The following CHRM3 variants were observed in gnomAD, a reference collection of about 807,000 sequenced individuals.
CHRM3 encodes the protein cholinergic receptor muscarinic 3.
A neutral mutation model predicts 41.8 loss-of-function variants in CHRM3; 11 were observed. The observed-to-expected ratio is 0.26, with a 90% CI of 0.17 to 0.44. The LOEUF (loss-of-function observed/expected upper bound fraction) is 0.44, where lower values mean the gene tolerates loss of function less well. CHRM3 is among the 20% of genes least tolerant of loss of function. The pLI, the probability that CHRM3 is intolerant of heterozygous loss-of-function variation, is 1.00. For missense variants in CHRM3, 571 were observed against 745.4 expected, an observed-to-expected ratio of 0.77 and a Z score of 2.72; for synonymous variants, 297 against 301.4, an observed-to-expected ratio of 0.99 and a Z score of 0.15.
In CHRM3 at chr1:239,910,373, G is replaced by T. The variant is rs1680296836; in HGVS notation, c.*1149G>T. On this transcript the variant is annotated 3_prime_UTR_variant, in exon 7 of 7. Transcript: ENST00000676153. ...AAAAAACATGGTAAGAGAGAATGAA[G>T]GAGAACATTGTGTTTGATTCTTGCT... 6.1e-6 allele frequency: 1 copy of T among 163,284 alleles called. No individual in the cohort carries two copies. The highest frequency in any genetic ancestry group is 2.5e-5 in the African/African-American group (1 of 40,314). The allele number at this position is 163,284 out of a possible 1,614,324, so 10.1% of individuals were successfully genotyped here.
rs116423063 is a variant in CHRM3 at position 239,710,850 on chromosome 1, G to A, written c.-147+32562G>A. Among the ~76,000 whole-genome samples the A allele has an allele frequency of 4.7e-3, 709 of 151,680 alleles. 4 individuals carry two copies. Among genetic ancestry groups the A allele is most frequent in the Non-Finnish European group, 7.5e-3 (510 of 67,916 alleles). ...GTACCCTGGTACCTCTCACCACACCGCAAACAACCTGCCGTGTTCCTAACT... is the reference window on the plus strand; with the variant it reads ...GTACCCTGGTACCTCTCACCACACCACAAACAACCTGCCGTGTTCCTAACT... On this transcript the variant is annotated intron_variant, in intron 5 of 6. Transcript: ENST00000676153.
chr1:239,680,378 G>A (rs1394511141), intron 5 of CHRM3, among the ~76,000 whole-genome samples: 3 of 152,128 alleles, frequency 2.0e-5, no homozygotes, highest in African/African-American at 7.2e-5. Context: ...AATGGAAGAA[G>A]ACTACAAAAG....
At chr1:239,573,599 A>G (rs1662031368) in intron 3 of CHRM3, among the ~76,000 whole-genome samples, 1 of 152,118 alleles carries the variant, frequency 6.6e-6, no homozygotes. Context: ...TCATAGAACT[A>G]TGCAATGTAT....
chr1:239,780,333 T>G (rs1185259241), intron 5 of CHRM3, among the ~76,000 whole-genome samples: 1 of 152,222 alleles, frequency 6.6e-6, no homozygotes, highest in Non-Finnish European at 1.5e-5. Flanking sequence ...CTAATAGGTG[T>G]GTAGTGGTAT....
At chr1:239,775,058 A>G (rs1171511687) in intron 5 of CHRM3, among the ~76,000 whole-genome samples, 1 of 152,204 alleles carries the variant, frequency 6.6e-6, no homozygotes, top group Non-Finnish European at 1.5e-5. Flanking sequence ...ACTCTACTGA[A>G]TTAAAACTTT....
chr1:239,425,963 T>C (rs942061961), intron 1 of CHRM3, among the ~76,000 whole-genome samples: 9 of 152,074 alleles, frequency 5.9e-5, no homozygotes, highest in Middle Eastern at 3.4e-3. Flanking sequence ...TGTTCACATC[T>C]TTTTTTTCCA....
rs904979186 is a variant in CHRM3, at chr1:239,584,370, C to T, written c.-313+38621C>T. Among the ~76,000 whole-genome samples, 72 of 152,234 alleles carry T rather than the reference C, an allele frequency of 4.7e-4. 1 individual carries two copies. Among genetic ancestry groups the T allele is most frequent in the African/African-American group, 1.7e-3 (71 of 41,540 alleles). On this transcript the variant is annotated intron_variant, in intron 3 of 6. Transcript: ENST00000676153. ...CTGCCCGCCTCAGCCTCCCAAAGTG[C>T]TGGGATTACAGGTGTGAGTCACTGC...
chr1:239,503,797 CA>C (rs1440059374), intron 2 of CHRM3, among the ~76,000 whole-genome samples: 1 of 152,048 alleles, frequency 6.6e-6, no homozygotes, highest in Non-Finnish European at 1.5e-5. Flanking sequence ...ACAAAGCAAA[CA>C]AAAACTTAAA....
chr1:239,439,206 A>T (rs757984553), intron 1 of CHRM3, among the ~76,000 whole-genome samples: 7 of 152,194 alleles, frequency 4.6e-5, no homozygotes, highest in Non-Finnish European at 8.8e-5. Context: ...ACTTTGAAAC[A>T]TGGTCCTTAG....
chr1:239,503,768 T>TA (rs1668393745), intron 2 of CHRM3, among the ~76,000 whole-genome samples: 1 of 152,118 alleles, frequency 6.6e-6, no homozygotes, highest in African/African-American at 2.4e-5. Flanking sequence ...CCCAAACACT[T>TA]ACAGCCAACT....
At chr1:239,754,666 A>G (rs563442240) in intron 5 of CHRM3, among the ~76,000 whole-genome samples, 1 of 152,332 alleles carries the variant, frequency 6.6e-6, no homozygotes, top group East Asian at 1.9e-4. Context: ...TTTAGAGGGC[A>G]TATGAAAAGG....
intron 6 of CHRM3, among the ~76,000 whole-genome samples, chr1:239,829,570 C>G (rs1236189791): frequency 2.0e-5 from 3 of 152,092 alleles, no homozygotes; most frequent in Non-Finnish European, 4.4e-5. Flanking sequence ...AGATAAATTT[C>G]AATATATCAA....
chr1:239,638,841 G>T (rs1019995637), intron 4 of CHRM3, among the ~76,000 whole-genome samples: 8 of 152,148 alleles, frequency 5.3e-5, no homozygotes, highest in Admixed American at 5.2e-4. Flanking sequence ...CCTTGCCCAT[G>T]TCTATGTCCT....
chr1:239,562,025 C>G (rs776305293), intron 3 of CHRM3, among the ~76,000 whole-genome samples: 3 of 152,156 alleles, frequency 2.0e-5, no homozygotes, highest in Non-Finnish European at 2.9e-5. Context: ...GCTGGCCAAC[C>G]TTGCATACGT....
chr1:239,793,875 C>T lies in CHRM3; in HGVS notation c.-146-33377C>T, dbSNP rs1010504341. On this transcript the variant is annotated intron_variant, in intron 5 of 6. Transcript: ENST00000676153. ...CAACCCAGGCTGGAGTGCAATGGTG[C>T]GATCTCGGCTCACTGCAGCCTCAAC... 6.5e-5 allele frequency among the ~76,000 whole-genome samples: 8 copies of T among 122,530 alleles called. No homozygotes were observed. In the East Asian group the frequency reaches 7.6e-4, roughly 12 times the overall value. 80.4% of individuals were successfully genotyped at this position (122,530 alleles called of 152,430 possible).
intron 6 of CHRM3, among the ~76,000 whole-genome samples, chr1:239,875,592 A>G (rs1262238045): frequency 6.6e-6 from 1 of 152,222 alleles, no homozygotes; most frequent in African/African-American, 2.4e-5. Context: ...ACCCTGCTCC[A>G]TGGAATCATG....
intron 5 of CHRM3, among the ~76,000 whole-genome samples, chr1:239,806,647 G>A (rs554910072): frequency 2.6e-5 from 4 of 152,316 alleles, no homozygotes; most frequent in East Asian, 1.9e-4. Context: ...TCTTGGAGAC[G>A]AAAGTTACTG....
At chr1:239,788,473 G>A (rs1375504732) in intron 5 of CHRM3, among the ~76,000 whole-genome samples, 4 of 151,980 alleles carry the variant, frequency 2.6e-5, no homozygotes, top group African/African-American at 9.7e-5. Flanking sequence ...TGTTTCAAAT[G>A]ATAACCCTGA....
intron 5 of CHRM3, among the ~76,000 whole-genome samples, chr1:239,713,203 G>A (rs1661991476): frequency 6.6e-6 from 1 of 152,160 alleles, no homozygotes; most frequent in African/African-American, 2.4e-5. Flanking sequence ...ATTCCGAATT[G>A]GAAGTCAGAG....
Sources: gnomAD v4.1 joint callset for allele counts (sites outside exome capture counted in the v4.1 genomes callset) on GRCh38, gnomAD v4.1.1 for gene constraint, MANE v1.5 for transcripts, NCBI Gene and HGNC (gene_info 2026-07-23, HGNC 2026-07-21) for gene names.